LRRC37A2: variants seen among roughly 807,000 people sequenced by gnomAD.
The protein encoded by LRRC37A2 is leucine-rich repeat-containing protein 37A2.
LRRC37A2 carries 9 observed loss-of-function variants against 68.8 expected under a neutral mutation model. The observed-to-expected ratio is 0.13, with a 90% confidence interval of 0.08 to 0.23. LRRC37A2 has a LOEUF of 0.23. Ranked by LOEUF, LRRC37A2 falls within the 10% of genes least tolerant of loss-of-function variation. LRRC37A2 has a pLI of 1.00. For missense variants in LRRC37A2, 168 were observed against 950.4 expected (o/e 0.18, Z 10.82); for synonymous variants, 63 against 367.6 (o/e 0.17, Z 9.48).
At chr17:46,983,080 A>G in the LRRC37A2 span, among the ~76,000 whole-genome samples, 3 of 152,110 alleles carry the variant, frequency 2.0e-5, no homozygotes, top group South Asian at 6.2e-4. Context: ...AGTCCTGGCC[A>G]TTTGGGGCTG....
chr17:46,749,745 T>G, the LRRC37A2 span: 1 of 1,602,108 alleles, frequency 6.2e-7, no homozygotes, highest in Non-Finnish European at 8.5e-7. Flanking sequence ...ATTATGTACA[T>G]TTTAACACAT....
At chr17:46,858,955 C>T in the LRRC37A2 span, among the ~76,000 whole-genome samples, 2 of 151,464 alleles carry the variant, frequency 1.3e-5, no homozygotes, top group Non-Finnish European at 2.9e-5. Flanking sequence ...GCATGAGCCA[C>T]AGCTAGAAAC....
At chr17:46,787,988 ACCCT>A in the LRRC37A2 span, among the ~76,000 whole-genome samples, 5 of 149,410 alleles carry the variant, frequency 3.3e-5, no homozygotes, top group Non-Finnish European at 7.4e-5. Flanking sequence ...TGTAGCCTCC[ACCCT>A]CCTCAGTGAC....
At chr17:46,742,771 G>A in the LRRC37A2 span, among the ~76,000 whole-genome samples, 4,016 of 152,262 alleles carry the variant, frequency 0.026, 173 homozygotes, top group African/African-American at 0.09. Context: ...TGGATGATAC[G>A]TGGTTTCTAC....
the LRRC37A2 span, among the ~76,000 whole-genome samples, chr17:47,022,154 T>A: frequency 1.3e-5 from 1 of 74,606 alleles, no homozygotes; most frequent in African/African-American, 4.0e-5. Context: ...CATGGTTATA[T>A]TCCTTTTTGT....
At chr17:46,715,331 CTGTTTTTCTT>C in the LRRC37A2 span, among the ~76,000 whole-genome samples, 539 of 152,266 alleles carry the variant, frequency 3.5e-3, 1 homozygote, top group South Asian at 0.012. Flanking sequence ...GTAGGTAGGG[CTGTTTTTCTT>C]TGTTTTTCGT....
chr17:46,816,735 G>A, the LRRC37A2 span, among the ~76,000 whole-genome samples: 324 of 152,240 alleles, frequency 2.1e-3, 2 homozygotes, highest in African/African-American at 7.4e-3. Context: ...TCATAGGGCC[G>A]GAGAGACTGG....
the LRRC37A2 span, among the ~76,000 whole-genome samples, chr17:46,400,320 T>TA: frequency 7.1e-6 from 1 of 140,402 alleles, no homozygotes; most frequent in Non-Finnish European, 1.6e-5. Context: ...CCTAAGGAAA[T>TA]ATGTGGGCGT....
At chr17:46,894,686 GC>G in the LRRC37A2 span, among the ~76,000 whole-genome samples, 1 of 152,160 alleles carries the variant, frequency 6.6e-6, no homozygotes, top group East Asian at 1.9e-4. Flanking sequence ...CCGCCAGCCG[GC>G]CCCCCTCCTG....
chr17:46,558,062 GTTTT>G (rs1219618738), downstream of LRRC37A2, among the ~76,000 whole-genome samples: 2 of 137,514 alleles, frequency 1.5e-5, 1 homozygote, highest in African/African-American at 5.6e-5. Context: ...AGTTTTGTTT[GTTTT>G]TTTTTCTTTT....
chr17:46,978,706 A>C, the LRRC37A2 span: 1 of 1,611,926 alleles, frequency 6.2e-7, no homozygotes, highest in Non-Finnish European at 8.5e-7. Flanking sequence ...CTGCACCAGA[A>C]AGTTGATCAT....
chr17:46,851,554 T>G, the LRRC37A2 span: 3 of 731,076 alleles, frequency 4.1e-6, no homozygotes, highest in South Asian at 5.6e-5. This position sits in a 1 kb window ranked among gnomAD's most constrained non-coding sequence, Gnocchi z 4.3. Flanking sequence ...CCCACCCGGG[T>G]TTAAAGTCCC....
At chr17:46,534,713 C>T (rs1473106785) in intron 6 of LRRC37A2, among the ~76,000 whole-genome samples, 1 of 150,124 alleles carries the variant, frequency 6.7e-6, no homozygotes. Flanking sequence ...CTGTTGGGTA[C>T]ACCTCCCAGA....
intron 8 of LRRC37A2, among the ~76,000 whole-genome samples, chr17:46,542,817 G>A (rs2055627299): frequency 1.3e-5 from 2 of 150,754 alleles, no homozygotes; most frequent in South Asian, 4.2e-4. Flanking sequence ...CCCACAATAT[G>A]GCAAGCTAAA....
chr17:46,928,924 G>T, the LRRC37A2 span, among the ~76,000 whole-genome samples: 1 of 151,712 alleles, frequency 6.6e-6, no homozygotes, highest in African/African-American at 2.4e-5. Flanking sequence ...CCACCCCTCT[G>T]TCTGCTTGCC....
chr17:46,501,323 G>A, the LRRC37A2 span, among the ~76,000 whole-genome samples: 1,152 of 151,096 alleles, frequency 7.6e-3, 103 homozygotes, highest in African/African-American at 0.026. Context: ...CCACAGGCAT[G>A]CACCACCATG....
At chr17:47,000,641 T>C in the LRRC37A2 span, among the ~76,000 whole-genome samples, 3 of 152,278 alleles carry the variant, frequency 2.0e-5, no homozygotes, top group African/African-American at 7.2e-5. Context: ...CTCTCTCCTA[T>C]AAAAATGACC....
At chr17:46,741,962 G>A in the LRRC37A2 span, among the ~76,000 whole-genome samples, 3 of 152,120 alleles carry the variant, frequency 2.0e-5, no homozygotes, top group Non-Finnish European at 4.4e-5. Flanking sequence ...CACCGTGTTG[G>A]TCAGGCTAGT....
At chr17:46,831,144 A>G in the LRRC37A2 span, among the ~76,000 whole-genome samples, 1 of 152,176 alleles carries the variant, frequency 6.6e-6, no homozygotes, top group Non-Finnish European at 1.5e-5. Flanking sequence ...AGTCTGGAAA[A>G]CACCGGAACA....
Sources: gnomAD v4.1 joint callset for allele counts (sites outside exome capture counted in the v4.1 genomes callset) on GRCh38, gnomAD v4.1.1 for gene constraint, Gnocchi (gnomAD v3.1) non-coding constraint, MANE v1.5 for transcripts, NCBI Gene and HGNC (gene_info 2026-07-23, HGNC 2026-07-21) for gene names.